Variants in FSTL5 observed in about 807,000 individuals in gnomAD.
FSTL5 encodes the protein follistatin like 5.
In FSTL5, 62 loss-of-function variants were observed where a neutral mutation model predicts 89.1. The observed-to-expected ratio is 0.70, with a 90% CI of 0.57 to 0.86. The LOEUF is 0.86. Among genes scored for constraint, FSTL5 ranks in the 40% least tolerant of loss-of-function variants. The pLI, the probability that FSTL5 is intolerant of heterozygous loss-of-function variation, is 0.00. For synonymous variants in FSTL5, 383 were observed against 346.2 expected (o/e 1.11, Z -1.18); for missense variants, 1,057 against 1,001.6 (o/e 1.06, Z -0.75).
At chr4:161,571,785 T>A (rs1437869411) in intron 8 of FSTL5, among the ~76,000 whole-genome samples, 2 of 152,060 alleles carry the variant, frequency 1.3e-5, no homozygotes, top group African/African-American at 4.8e-5. Flanking sequence ...GTGGAGTGCA[T>A]TTCGTAAACA....
chr4:161,953,470 T>C (rs942166630), intron 3 of FSTL5, among the ~76,000 whole-genome samples: 5 of 151,680 alleles, frequency 3.3e-5, no homozygotes, highest in African/African-American at 9.7e-5. Context: ...CGCAAGATAT[T>C]TGTTTCATGC....
chr4:161,638,665 T>A (rs1735825813), intron 7 of FSTL5, among the ~76,000 whole-genome samples: 1 of 138,034 alleles, frequency 7.2e-6, no homozygotes, highest in African/African-American at 2.8e-5. Flanking sequence ...AGCATCATTC[T>A]GATACCAAAG....
intron 3 of FSTL5, among the ~76,000 whole-genome samples, chr4:161,952,936 G>C (rs987976932): frequency 1.3e-5 from 2 of 151,638 alleles, no homozygotes; most frequent in African/African-American, 4.8e-5. Flanking sequence ...AATATGATGG[G>C]TGTGTAGAGA....
chr4:161,795,322 CTAAATTATCTG>C (rs1446478978), intron 4 of FSTL5, among the ~76,000 whole-genome samples: 2 of 152,010 alleles, frequency 1.3e-5, no homozygotes, highest in African/African-American at 2.4e-5. Flanking sequence ...TAAAATGGCA[CTAAATTATCTG>C]TATTCCAAAG....
intron 7 of FSTL5, among the ~76,000 whole-genome samples, chr4:161,637,934 C>T (rs1480072824): frequency 6.8e-6 from 1 of 146,986 alleles, no homozygotes; most frequent in African/African-American, 2.5e-5. Flanking sequence ...TTAGGATTGA[C>T]TTGGCGATGC....
At chr4:161,466,756 A>C (rs1372841062) in intron 13 of FSTL5, among the ~76,000 whole-genome samples, 2 of 152,196 alleles carry the variant, frequency 1.3e-5, no homozygotes, top group African/African-American at 4.8e-5. Context: ...AGGAACACCA[A>C]GTTTATAGAT....
intron 4 of FSTL5, among the ~76,000 whole-genome samples, chr4:161,877,903 C>T (rs1299574816): frequency 1.3e-5 from 2 of 151,670 alleles, no homozygotes; most frequent in Non-Finnish European, 2.9e-5. Context: ...ATCTGCCCGC[C>T]TCGGCCTCCC....
At chr4:161,803,568 A>T (rs1405370185) in intron 4 of FSTL5, among the ~76,000 whole-genome samples, 1 of 151,890 alleles carries the variant, frequency 6.6e-6, no homozygotes, top group Non-Finnish European at 1.5e-5. Flanking sequence ...TGACCTACAA[A>T]TTATTGCTAG....
At chr4:161,755,412 C>T (rs1456132569) in intron 6 of FSTL5, among the ~76,000 whole-genome samples, 1 of 151,828 alleles carries the variant, frequency 6.6e-6, no homozygotes, top group Non-Finnish European at 1.5e-5. Context: ...TAACTTTTTC[C>T]TGTTTGCGGA....
chr4:161,875,321 T>A (rs545991426), intron 4 of FSTL5, among the ~76,000 whole-genome samples: 1 of 152,306 alleles, frequency 6.6e-6, no homozygotes, highest in African/African-American at 2.4e-5. Context: ...CAAATCAGGC[T>A]GATTGCGGGT....
At chr4:161,971,025 G>T (rs1319310896) in intron 3 of FSTL5, among the ~76,000 whole-genome samples, 1 of 148,854 alleles carries the variant, frequency 6.7e-6, no homozygotes. Context: ...TTTCATCTGG[G>T]TATATAAATT....
intron 15 of FSTL5, among the ~76,000 whole-genome samples, chr4:161,400,069 TA>T (rs1433064988): frequency 6.6e-6 from 1 of 152,144 alleles, no homozygotes; most frequent in African/African-American, 2.4e-5. Flanking sequence ...ACACAACTTT[TA>T]TTTCATTTCT....
intron 2 of FSTL5, among the ~76,000 whole-genome samples, chr4:162,108,156 C>A (rs906744541): frequency 6.6e-6 from 1 of 152,022 alleles, no homozygotes; most frequent in African/African-American, 2.4e-5. Context: ...GGTTTCCTCT[C>A]TTATCTGTGG....
At chr4:161,890,696 A>T (rs1732960465) in intron 4 of FSTL5, among the ~76,000 whole-genome samples, 2 of 151,926 alleles carry the variant, frequency 1.3e-5, no homozygotes, top group South Asian at 4.2e-4. Flanking sequence ...TAAAAAAAAA[A>T]AAAAAAAAAA....
intron 3 of FSTL5, among the ~76,000 whole-genome samples, chr4:161,974,137 T>C (rs1451443771): frequency 6.6e-6 from 1 of 152,320 alleles, no homozygotes; most frequent in Admixed American, 6.5e-5. Flanking sequence ...GAATATTCCA[T>C]GCTCATGGGT....
chr4:161,827,850 C>T (rs1730714524), intron 4 of FSTL5, among the ~76,000 whole-genome samples: 1 of 152,156 alleles, frequency 6.6e-6, no homozygotes, highest in Admixed American at 6.6e-5. Context: ...GAACTTGCCC[C>T]ATGCTACCAG....
At chr4:161,983,787 G>T (rs1483549) in intron 3 of FSTL5, among the ~76,000 whole-genome samples, 113,177 of 151,866 alleles carry the variant, frequency 0.75, 43,222 homozygotes, top group Middle Eastern at 0.85. Context: ...TAAAACCAAA[G>T]AGTGCAAAAT....
At chr4:161,815,936 C>T (rs559488149) in intron 4 of FSTL5, among the ~76,000 whole-genome samples, 1 of 152,088 alleles carries the variant, frequency 6.6e-6, no homozygotes, top group East Asian at 1.9e-4. Flanking sequence ...TTTGCCTCAC[C>T]AAAATTTAAA....
intron 6 of FSTL5, among the ~76,000 whole-genome samples, chr4:161,673,486 A>C (rs931302139): frequency 1.3e-5 from 2 of 152,028 alleles, no homozygotes; most frequent in African/African-American, 4.8e-5. Flanking sequence ...ATCCAAAATG[A>C]TTTCAGTAAT....
Sources: allele counts gnomAD v4.1 joint callset (sites outside exome capture counted in the v4.1 genomes callset), GRCh38; gene constraint gnomAD v4.1.1; transcripts MANE v1.5; gene names NCBI Gene and HGNC (gene_info 2026-07-23, HGNC 2026-07-21).